RERE: variants seen among roughly 807,000 people sequenced by gnomAD.
RERE encodes the protein arginine-glutamic acid dipeptide repeats.
In RERE, 40 loss-of-function variants were observed where a neutral mutation model predicts 146.1. The ratio of observed to expected loss-of-function variants is 0.27; its 90% CI spans 0.21 to 0.36. RERE has a LOEUF of 0.36. RERE is among the 10% of genes least tolerant of loss of function. The pLI is 1.00. For synonymous variants in RERE, 1,003 were observed against 866.0 expected (o/e 1.16, Z -2.78); for missense variants, 1,933 against 2,138.7 (o/e 0.90, Z 1.90).
At chr1:8,574,461 C>T (rs1646264947) in intron 4 of RERE, among the ~76,000 whole-genome samples, 1 of 150,212 alleles carries the variant, frequency 6.7e-6, no homozygotes, top group African/African-American at 2.4e-5. Flanking sequence ...TCTCCTGCCT[C>T]AGCCTCCCGA....
intron 1 of RERE, among the ~76,000 whole-genome samples, chr1:8,725,029 AT>A (rs1639933722): frequency 1.3e-5 from 2 of 152,220 alleles, no homozygotes; most frequent in Non-Finnish European, 2.9e-5. Context: ...AGTAGTGTAT[AT>A]TTTGAAAACA....
chr1:8,444,055 T>C (rs887024242), intron 11 of RERE, among the ~76,000 whole-genome samples: 2 of 152,204 alleles, frequency 1.3e-5, no homozygotes, highest in Non-Finnish European at 2.9e-5. Context: ...GAAGGGGCCA[T>C]TGTCTTCCAG....
At chr1:8,602,090 C>A (rs538093761) in intron 4 of RERE, among the ~76,000 whole-genome samples, 11 of 152,204 alleles carry the variant, frequency 7.2e-5, no homozygotes, top group African/African-American at 2.4e-4. Flanking sequence ...AATGGCCAAA[C>A]ATAAAGAAAT....
intron 12 of RERE, chr1:8,381,046 G>C (rs1380113284): frequency 4.4e-6 from 2 of 456,236 alleles, no homozygotes; most frequent in East Asian, 1.4e-4. Flanking sequence ...CCTTCTCCTG[G>C]TTGCTGCTGG....
intron 1 of RERE, among the ~76,000 whole-genome samples, chr1:8,657,755 G>A (rs529566122): frequency 2.3e-4 from 35 of 152,264 alleles, no homozygotes; most frequent in African/African-American, 8.4e-4. Flanking sequence ...GCTGAGGCAG[G>A]AGAATCGCTT....
At chr1:8,708,746 CTG>C (rs1639605715) in intron 1 of RERE, among the ~76,000 whole-genome samples, 2 of 152,148 alleles carry the variant, frequency 1.3e-5, no homozygotes, top group Non-Finnish European at 2.9e-5. Context: ...CCACGTGGAA[CTG>C]TGAGTCCACT....
chr1:8,617,357 A>AAAAAAAAAAAAAAAT (rs1646866265), intron 3 of RERE, among the ~76,000 whole-genome samples: 1 of 149,208 alleles, frequency 6.7e-6, no homozygotes. Context: ...AAAAAAAAAA[A>AAAAAAAAAAAAAAAT]GAATTCCATC....
intron 11 of RERE, among the ~76,000 whole-genome samples, chr1:8,442,828 T>TA (rs1644267339): frequency 6.6e-6 from 1 of 152,188 alleles, no homozygotes; most frequent in Non-Finnish European, 1.5e-5. Flanking sequence ...CTGACAGTGA[T>TA]ACGGACAGTG....
At position 8,808,164 on chromosome 1, in the gene RERE, A is replaced by AC. The variant is rs1460544333; in HGVS notation, c.-145+8995_-145+8996insG. ...CCTTGTCTCAAAAAAAAAAAAAAAA[A>AC]AAAAAACCTCCTTCAGGAAGCTAAG... On this transcript the variant is annotated intron_variant, in intron 1 of 22. Transcript: ENST00000400908. Among the ~76,000 whole-genome samples, 614 of 151,222 alleles carry AC rather than the reference A, an allele frequency of 4.1e-3. 2 individuals carry two copies. The highest frequency in any genetic ancestry group is 0.014 in the African/African-American group (585 of 40,938).
intron 12 of RERE, among the ~76,000 whole-genome samples, chr1:8,382,838 G>T (rs897455854): frequency 2.0e-5 from 3 of 151,996 alleles, no homozygotes; most frequent in Non-Finnish European, 4.4e-5. Flanking sequence ...GGGCTGCCTC[G>T]CCACGAGCTC....
intron 12 of RERE, among the ~76,000 whole-genome samples, chr1:8,418,603 C>T (rs1643841305): frequency 6.6e-6 from 1 of 152,162 alleles, no homozygotes; most frequent in Non-Finnish European, 1.5e-5. Context: ...CATCCAGGTG[C>T]CAGACACAAA....
chr1:8,413,049 C>T (rs1010163160), intron 12 of RERE, among the ~76,000 whole-genome samples: 1 of 152,102 alleles, frequency 6.6e-6, no homozygotes. Context: ...AGAGTTTTCA[C>T]GTCTTAGGAC....
chr1:8,786,215 A>C, intron 1 of RERE: 2 of 887,226 alleles, frequency 2.3e-6, no homozygotes, highest in Non-Finnish European at 3.6e-6. Context: ...TTCTTCTAAG[A>C]AGCCTGTGGA....
intron 1 of RERE, among the ~76,000 whole-genome samples, chr1:8,703,917 C>A (rs1639511387): frequency 6.6e-6 from 1 of 152,322 alleles, no homozygotes; most frequent in South Asian, 2.1e-4. Context: ...ATTAAGAATT[C>A]TCTGCAAGCC....
At chr1:8,638,994 C>A (rs765270449) in intron 2 of RERE, among the ~76,000 whole-genome samples, 23 of 151,890 alleles carry the variant, frequency 1.5e-4, no homozygotes, top group Middle Eastern at 3.4e-3. Flanking sequence ...AGGATGGTCT[C>A]GATCTCCTGA....
intron 7 of RERE, among the ~76,000 whole-genome samples, chr1:8,538,577 G>T (rs1193954165): frequency 1.3e-5 from 2 of 152,196 alleles, no homozygotes; most frequent in African/African-American, 4.8e-5. Context: ...CAAGGCAGTA[G>T]GCTGCATTAG....
chr1:8,742,295 C>T (rs1357936909), intron 1 of RERE, among the ~76,000 whole-genome samples: 1 of 152,186 alleles, frequency 6.6e-6, no homozygotes, highest in Admixed American at 6.5e-5. Flanking sequence ...GAAATAAAAA[C>T]TAGGTCCTCT....
intron 12 of RERE, among the ~76,000 whole-genome samples, chr1:8,398,429 G>A (rs1234266195): frequency 6.6e-6 from 1 of 152,206 alleles, no homozygotes; most frequent in Non-Finnish European, 1.5e-5. Context: ...TCAAGGCCTA[G>A]TTCAAGTCTC....
At chr1:8,634,988 G>GC (rs1647079723) in intron 2 of RERE, among the ~76,000 whole-genome samples, 1 of 152,208 alleles carries the variant, frequency 6.6e-6, no homozygotes, top group East Asian at 1.9e-4. Context: ...GCCTGCCTCA[G>GC]CCTCTCAAAG....
Sources: gnomAD v4.1 joint callset for allele counts (sites outside exome capture counted in the v4.1 genomes callset) on GRCh38, gnomAD v4.1.1 for gene constraint, MANE v1.5 for transcripts, NCBI Gene and HGNC (gene_info 2026-07-23, HGNC 2026-07-21) for gene names.